The following TENM2 variants were observed in gnomAD, a reference collection of about 807,000 sequenced individuals.
TENM2 encodes the protein teneurin-2.
A neutral mutation model predicts 245.2 loss-of-function variants in TENM2; 52 were observed. The observed-to-expected ratio is 0.21, with a 90% CI of 0.17 to 0.27. TENM2 has a LOEUF of 0.27. Ranked by LOEUF, TENM2 falls within the 10% of genes least tolerant of loss-of-function variation. TENM2 has a pLI of 1.00. For missense variants in TENM2, 3,046 were observed against 3,666.8 expected (o/e 0.83, Z 4.37); for synonymous variants, 1,363 against 1,438.9 (o/e 0.95, Z 1.19).
intron 2 of TENM2, among the ~76,000 whole-genome samples, chr5:167,867,868 C>T (rs1772462515): frequency 1.3e-5 from 2 of 152,160 alleles, no homozygotes; most frequent in Non-Finnish European, 2.9e-5. Flanking sequence ...CCCCCAGTGA[C>T]AATTAGACTT....
chr5:167,843,906 G>A (rs1583165781), intron 2 of TENM2, among the ~76,000 whole-genome samples: 1 of 152,158 alleles, frequency 6.6e-6, no homozygotes, highest in African/African-American at 2.4e-5. Flanking sequence ...ATGATTTGGG[G>A]TATATTGTTT....
intron 1 of TENM2, among the ~76,000 whole-genome samples, chr5:167,304,203 C>T (rs1277164561): frequency 2.0e-5 from 3 of 152,156 alleles, no homozygotes; most frequent in Non-Finnish European, 4.4e-5. Flanking sequence ...ATGCTTCTTC[C>T]CCTCATCCTG....
chr5:167,832,019 T>G (rs1008037547), intron 2 of TENM2, among the ~76,000 whole-genome samples: 1 of 151,890 alleles, frequency 6.6e-6, no homozygotes, highest in Non-Finnish European at 1.5e-5. Flanking sequence ...CCTGAGATGA[T>G]ATAAGTCAAT....
chr5:167,462,062 A>G (rs564793749), intron 2 of TENM2, among the ~76,000 whole-genome samples: 3 of 152,194 alleles, frequency 2.0e-5, no homozygotes, highest in East Asian at 1.9e-4. Flanking sequence ...CAATTGATTG[A>G]TCAGTTTTAC....
At chr5:167,000,747 G>A in the TENM2 span, among the ~76,000 whole-genome samples, 4 of 152,116 alleles carry the variant, frequency 2.6e-5, no homozygotes, top group African/African-American at 9.6e-5. Flanking sequence ...ATGAATGAAT[G>A]GTTAAATTTG....
At chr5:167,362,988 CTAT>C (rs1020427357) in intron 1 of TENM2, among the ~76,000 whole-genome samples, 33 of 152,098 alleles carry the variant, frequency 2.2e-4, no homozygotes, top group African/African-American at 7.2e-4. Context: ...GATGCAAGTA[CTAT>C]TATTCTTCCA....
chr5:168,071,932 G>A (rs1232553049), intron 7 of TENM2, among the ~76,000 whole-genome samples: 1 of 152,170 alleles, frequency 6.6e-6, no homozygotes, highest in Non-Finnish European at 1.5e-5. Flanking sequence ...CTTGTGCAAA[G>A]TTACATTCCA....
chr5:167,466,259 A>G (rs1766644858), intron 2 of TENM2, among the ~76,000 whole-genome samples: 1 of 152,150 alleles, frequency 6.6e-6, no homozygotes, highest in Non-Finnish European at 1.5e-5. Flanking sequence ...TTGCTCCTCT[A>G]TAGCACACTT....
At chr5:168,036,663 T>TAA (rs1382251858) in intron 5 of TENM2, among the ~76,000 whole-genome samples, 2 of 106,686 alleles carry the variant, frequency 1.9e-5, no homozygotes, top group African/African-American at 7.9e-5. Context: ...TATATATATA[T>TAA]AATATATGTA....
At chr5:167,803,710 CTTTG>C (rs959326537) in intron 2 of TENM2, among the ~76,000 whole-genome samples, 9 of 152,054 alleles carry the variant, frequency 5.9e-5, no homozygotes, top group Non-Finnish European at 1.0e-4. Context: ...TCCTCTCTTT[CTTTG>C]TTTATTAACT....
At chr5:167,814,453 CAAAAAAAAA>C (rs11324953) in intron 2 of TENM2, among the ~76,000 whole-genome samples, 1 of 83,940 alleles carries the variant, frequency 1.2e-5, no homozygotes, top group African/African-American at 4.7e-5. Flanking sequence ...CACTCCGATT[CAAAAAAAAA>C]AAAAAAAGAA....
chr5:167,390,361 T>G (rs1312696740), intron 2 of TENM2, among the ~76,000 whole-genome samples: 1 of 152,172 alleles, frequency 6.6e-6, no homozygotes, highest in Non-Finnish European at 1.5e-5. Flanking sequence ...AAGGATAGAA[T>G]TGCATTCCAC....
chr5:168,095,183 C>T (rs1229654569), intron 8 of TENM2, among the ~76,000 whole-genome samples: 1 of 152,140 alleles, frequency 6.6e-6, no homozygotes, highest in African/African-American at 2.4e-5. Flanking sequence ...TCCCCAAGCC[C>T]CAGTCTGTAG....
At chr5:167,173,134 C>G in the TENM2 span, among the ~76,000 whole-genome samples, 1 of 152,126 alleles carries the variant, frequency 6.6e-6, no homozygotes, top group African/African-American at 2.4e-5. Context: ...TTACAGCAGG[C>G]GACACATAGG....
At chr5:167,017,912 T>G in the TENM2 span, among the ~76,000 whole-genome samples, 2 of 152,016 alleles carry the variant, frequency 1.3e-5, no homozygotes, top group Admixed American at 6.6e-5. Flanking sequence ...GACAAACAAG[T>G]CAATGAAATA....
intron 2 of TENM2, among the ~76,000 whole-genome samples, chr5:167,452,892 G>A (rs1257956358): frequency 5.8e-5 from 7 of 120,974 alleles, no homozygotes; most frequent in Admixed American, 1.0e-4. Context: ...TAACAAACTT[G>A]CACGTTGTAC....
At chr5:168,076,304 C>T (rs1311327564) in intron 7 of TENM2, among the ~76,000 whole-genome samples, 1 of 151,526 alleles carries the variant, frequency 6.6e-6, no homozygotes, top group African/African-American at 2.4e-5. Flanking sequence ...CGGCTCACTG[C>T]AACCTCTGCC....
intron 9 of TENM2, among the ~76,000 whole-genome samples, chr5:168,117,935 G>A (rs1204774048): frequency 6.6e-6 from 1 of 152,180 alleles, no homozygotes; most frequent in Non-Finnish European, 1.5e-5. Flanking sequence ...CTGCTTGTGG[G>A]CTGTGTGACT....
intron 2 of TENM2, among the ~76,000 whole-genome samples, chr5:167,776,350 G>A (rs577330682): frequency 1.2e-3 from 182 of 151,478 alleles, no homozygotes; most frequent in African/African-American, 4.1e-3. Context: ...TAATCCCAGC[G>A]CTTTGGGAGG....
Sources: gnomAD v4.1 joint callset for allele counts (sites outside exome capture counted in the v4.1 genomes callset) on GRCh38, gnomAD v4.1.1 for gene constraint, MANE v1.5 for transcripts, NCBI Gene and HGNC (gene_info 2026-07-23, HGNC 2026-07-21) for gene names.